Variants in BMAL1 observed in about 807,000 individuals in gnomAD.
BMAL1 encodes basic helix-loop-helix ARNT-like protein 1.
chr11:13,380,531 CT>C, the BMAL1 span: 1 of 152,208 alleles, frequency 6.6e-6, no homozygotes, highest in African/African-American at 2.4e-5. Context: ...TATAAATCTT[CT>C]GAGAGATATG....
the BMAL1 span, among the ~76,000 whole-genome samples, chr11:13,284,146 GTATATATATATA>G: frequency 0.045 from 2,724 of 60,846 alleles, 317 homozygotes; most frequent in African/African-American, 0.069. Context: ...ATATATATGT[GTATATATATATA>G]TGTGTGTATA....
At chr11:13,386,419 G>T in the BMAL1 span, among the ~76,000 whole-genome samples, 1 of 151,998 alleles carries the variant, frequency 6.6e-6, no homozygotes, top group Non-Finnish European at 1.5e-5. Flanking sequence ...TAAAAAATTG[G>T]TTCTTTCCTC....
the BMAL1 span, among the ~76,000 whole-genome samples, chr11:13,338,791 C>G: frequency 2.0e-5 from 3 of 152,208 alleles, no homozygotes; most frequent in Admixed American, 2.0e-4. Flanking sequence ...GATGCCTCCC[C>G]CAAAAGGTCG....
chr11:13,373,971 A>C, the BMAL1 span: 1 of 747,458 alleles, frequency 1.3e-6, no homozygotes, highest in Non-Finnish European at 2.2e-6. Flanking sequence ...AAATCCATCC[A>C]GCTCTTTTGC....
the BMAL1 span, among the ~76,000 whole-genome samples, chr11:13,343,118 G>A: frequency 6.6e-6 from 1 of 152,178 alleles, no homozygotes; most frequent in South Asian, 2.1e-4. Context: ...GACACATACA[G>A]GCTAAATGTT....
the BMAL1 span, among the ~76,000 whole-genome samples, chr11:13,286,603 A>G: frequency 6.6e-6 from 1 of 152,218 alleles, no homozygotes; most frequent in African/African-American, 2.4e-5. Context: ...GAAGAAGTAT[A>G]TGGCACTCAG....
the BMAL1 span, among the ~76,000 whole-genome samples, chr11:13,285,321 G>A: frequency 6.6e-6 from 1 of 152,172 alleles, no homozygotes; most frequent in Non-Finnish European, 1.5e-5. Flanking sequence ...TTTATTGGAT[G>A]CCTAGCACTG....
At chr11:13,339,709 C>T in the BMAL1 span, among the ~76,000 whole-genome samples, 1 of 152,078 alleles carries the variant, frequency 6.6e-6, no homozygotes, top group Non-Finnish European at 1.5e-5. Flanking sequence ...CATCTGTCAC[C>T]TCTCACCTCC....
the BMAL1 span, among the ~76,000 whole-genome samples, chr11:13,309,192 C>T: frequency 3.3e-5 from 5 of 152,168 alleles, no homozygotes; most frequent in South Asian, 2.1e-4. Flanking sequence ...GAAATGGATG[C>T]GCCATCTCAG....
the BMAL1 span, among the ~76,000 whole-genome samples, chr11:13,346,634 C>G: frequency 6.6e-6 from 1 of 152,232 alleles, no homozygotes; most frequent in Non-Finnish European, 1.5e-5. Context: ...CCCTGAGATC[C>G]TTTCCCCATG....
At chr11:13,309,206 A>G in the BMAL1 span, among the ~76,000 whole-genome samples, 2 of 152,090 alleles carry the variant, frequency 1.3e-5, no homozygotes, top group South Asian at 2.1e-4. Context: ...ATCTCAGTAG[A>G]TGGAGGTAAT....
At chr11:13,352,733 C>G in the BMAL1 span, among the ~76,000 whole-genome samples, 1 of 152,222 alleles carries the variant, frequency 6.6e-6, no homozygotes, top group Non-Finnish European at 1.5e-5. Context: ...GTCATCTAAA[C>G]AGGAGGCAGC....
chr11:13,374,047 C>G, the BMAL1 span: 1 of 1,558,416 alleles, frequency 6.4e-7, no homozygotes, highest in Non-Finnish European at 8.8e-7. Flanking sequence ...TGCAATTAAT[C>G]ATCTGAATGG....
the BMAL1 span, chr11:13,355,366 G>T: frequency 6.8e-7 from 1 of 1,460,196 alleles, no homozygotes; most frequent in Non-Finnish European, 9.6e-7. Context: ...GGCTGTGAGG[G>T]CGTTCTTCCA....
chr11:13,364,539 T>C, the BMAL1 span, among the ~76,000 whole-genome samples: 1 of 152,182 alleles, frequency 6.6e-6, no homozygotes, highest in African/African-American at 2.4e-5. Flanking sequence ...CACTGTGTAT[T>C]AGAACGAGGG....
the BMAL1 span, among the ~76,000 whole-genome samples, chr11:13,342,935 T>C: frequency 1.3e-5 from 2 of 152,216 alleles, no homozygotes; most frequent in Non-Finnish European, 2.9e-5. Context: ...CATTAGCTAG[T>C]TGTCTTATGA....
At chr11:13,351,916 A>G in the BMAL1 span, among the ~76,000 whole-genome samples, 2 of 152,218 alleles carry the variant, frequency 1.3e-5, no homozygotes, top group African/African-American at 2.4e-5. Context: ...AAATGGGACA[A>G]TAGCTGGAGG....
the BMAL1 span, among the ~76,000 whole-genome samples, chr11:13,317,894 G>A: frequency 6.6e-6 from 1 of 152,216 alleles, no homozygotes. Flanking sequence ...GGCTGCATCT[G>A]GCTTGCAGAT....
chr11:13,314,868 C>A, the BMAL1 span, among the ~76,000 whole-genome samples: 2 of 152,138 alleles, frequency 1.3e-5, no homozygotes, highest in African/African-American at 4.8e-5. Context: ...ACTGAGGAGT[C>A]TAACAAATAG....
Sources: gnomAD v4.1 joint callset for allele counts (sites outside exome capture counted in the v4.1 genomes callset) on GRCh38, gnomAD v4.1.1 for gene constraint, MANE v1.5 for transcripts, NCBI Gene and HGNC (gene_info 2026-07-23, HGNC 2026-07-21) for gene names.